TLL2: variants seen among roughly 807,000 people sequenced by gnomAD.
The protein encoded by TLL2 is tolloid like 2.
Under a neutral mutation model 123.0 loss-of-function variants are expected in TLL2, and 106 were observed. The ratio of observed to expected loss-of-function variants is 0.86; its 90% CI spans 0.74 to 1.01. The LOEUF (loss-of-function observed/expected upper bound fraction) is 1.01, where lower values mean the gene tolerates loss of function less well. Among genes scored for constraint, TLL2 ranks in the 50% least tolerant of loss-of-function variants. The probability of loss-of-function intolerance (pLI) is 0.00; values close to 1 mark genes in which losing one functional copy is unlikely to be tolerated. For synonymous variants in TLL2, 494 were observed against 516.8 expected (o/e 0.96, Z 0.60); for missense variants, 1,332 against 1,336.7 (o/e 1.00, Z 0.06).
At chr10:96,420,504 C>A (rs533427329) in intron 7 of TLL2, among the ~76,000 whole-genome samples, 1 of 152,220 alleles carries the variant, frequency 6.6e-6, no homozygotes, top group African/African-American at 2.4e-5. Context: ...CTGGCTGGAG[C>A]CTCATTGTCT....
intron 13 of TLL2, among the ~76,000 whole-genome samples, chr10:96,394,459 G>T (rs1213457060): frequency 6.6e-6 from 1 of 152,198 alleles, no homozygotes; most frequent in Non-Finnish European, 1.5e-5. Context: ...AGGAAAGCTC[G>T]GTCTGCCCAT....
chr10:96,384,874 C>A (rs1017436015), intron 15 of TLL2, 107 bp from the exon 16 acceptor site: 2 of 1,145,346 alleles, frequency 1.7e-6, no homozygotes, highest in East Asian at 2.8e-5. Context: ...CCGTGTGTGG[C>A]GGGGGAGGGT....
At chr10:96,390,507 C>A (rs1020191837) in intron 13 of TLL2, among the ~76,000 whole-genome samples, 1 of 152,236 alleles carries the variant, frequency 6.6e-6, no homozygotes, top group Non-Finnish European at 1.5e-5. Context: ...CATCTGGCAC[C>A]AGAATCAGGT....
In TLL2 at chr10:96,492,807, G is replaced by A. The variant is rs185304336; in HGVS notation, c.176-12348C>T. On this transcript the variant is annotated intron_variant, in intron 1 of 20. Transcript: ENST00000357947. ...TGGGAATGCGGCATTTCCCAACATA[G>A]TTGCTTCTGAGATCTCCTTTCACTG... 2.2e-3 allele frequency among the ~76,000 whole-genome samples: 339 copies of A among 152,222 alleles called. 4 individuals carry two copies. The highest frequency in any genetic ancestry group is 1.8e-3 in the Non-Finnish European group (123 of 68,014).
intron 1 of TLL2, among the ~76,000 whole-genome samples, chr10:96,512,014 A>G (rs550357192): frequency 6.6e-6 from 1 of 152,294 alleles, no homozygotes; most frequent in South Asian, 2.1e-4. Flanking sequence ...CAGGCATGCT[A>G]CCTGCTGAGG....
intron 18 of TLL2, 83 bp downstream of exon 18, chr10:96,376,609 G>T: frequency 6.8e-7 from 1 of 1,466,932 alleles, no homozygotes; most frequent in Non-Finnish European, 9.3e-7. Context: ...TTACAGAGCT[G>T]GGAAGTGGCA....
chr10:96,468,007 TG>T (rs1847145693), intron 2 of TLL2, among the ~76,000 whole-genome samples: 1 of 152,186 alleles, frequency 6.6e-6, no homozygotes, highest in Admixed American at 6.5e-5. Context: ...AATGGCCATG[TG>T]GGGGTGGTAC....
Position 96,513,639 on chromosome 10 carries a change from A to T in TLL2, c.47T>A (p.Leu16Gln). The T allele has an allele frequency of 6.3e-7, 1 of 1,593,706 alleles. No homozygotes were observed. The highest frequency in any genetic ancestry group is 8.5e-7 in the Non-Finnish European group (1 of 1,176,028). Reference sequence around the variant, plus strand: ...CCCGGCGCCGCGAGGCAGCGGCAGCAGCAGCAGCAGTGACACCAGGGCCCC... The same window carrying T: ...CCCGGCGCCGCGAGGCAGCGGCAGCTGCAGCAGCAGTGACACCAGGGCCCC... ...ALGALVSLLL[L>Q]LPLPRGAGGL... The change falls in exon 1 of 21, where the codon CTG (leucine) becomes CAG (glutamine). Residue 16 changes from leucine (L) to glutamine (Q), a missense_variant. By Grantham distance (113) the Leu-to-Gln change is moderately radical. Transcript: ENST00000357947.
Position 96,407,368 on chromosome 10 carries a change from C to T in TLL2, c.1165-2034G>A, listed in dbSNP as rs181831847. Among the ~76,000 whole-genome samples the T allele has an allele frequency of 3.0e-4, 46 of 152,226 alleles. 1 individual carries two copies. In the East Asian group the frequency reaches 8.5e-3, roughly 28 times the overall value. On this transcript the variant is annotated intron_variant, in intron 9 of 20. Coordinates refer to ENST00000357947, the MANE Select transcript of TLL2 (RefSeq NM_012465.4). ...CTCTGTCTTATAATGATTCTAGAGC[C>T]GGTGTCTTTAGATCTACCTAGATCT...
chr10:96,498,285 A>G (rs1847498280), intron 1 of TLL2, among the ~76,000 whole-genome samples: 1 of 152,262 alleles, frequency 6.6e-6, no homozygotes, highest in African/African-American at 2.4e-5. Context: ...AGAGCTATTC[A>G]GATGGCCTTG....
chr10:96,370,171 C>T lies in TLL2; in HGVS notation c.2807G>A (p.Arg936Gln). Residue 936 changes from arginine (R) to glutamine (Q), a missense_variant, in exon 20 of 21, where the codon CGG becomes CAG. Arg to Gln is a conservative substitution (Grantham distance 43). Transcript: ENST00000357947. ...EDGYGVELTF[R>Q]TFEVEEEADC... The stretch of plus-strand genomic sequence containing the variant: ...GGCCTCCTCCTCAACCTCAAAGGTC[C>T]GGAATGTCAGCTCCACGCCGTAGCC... The T allele has an allele frequency of 6.2e-7, 1 of 1,614,144 alleles. No individual in the cohort carries two copies. The highest frequency in any genetic ancestry group is 8.5e-7 in the Non-Finnish European group (1 of 1,179,998).
At chr10:96,415,729 G>GTCTCTTTCTCTCTC (rs1846549900) in intron 7 of TLL2, among the ~76,000 whole-genome samples, 1 of 8,580 alleles carries the variant, frequency 1.2e-4, no homozygotes, top group African/African-American at 5.1e-4. Flanking sequence ...CTCTCTCTCT[G>GTCTCTTTCTCTCTC]TCTCTCTCTG....
Position 96,368,091 on chromosome 10 carries a change from T to C in TLL2, c.3045A>G (p.Lys1015=), listed in dbSNP as rs757234254. The change falls in exon 21 of 21, where the codon AAA becomes AAG. Residue 1015 remains lysine, a synonymous_variant. Transcript: ENST00000357947. Reference sequence around the variant, plus strand: ...CTGTCTTTCAAGAACATCAGCACTATTTCTTCATGTGCAGGGCATCCTGGA... The same window carrying C: ...CTGTCTTTCAAGAACATCAGCACTACTTCTTCATGTGCAGGGCATCCTGGA... ...TKFQDALHMK[K] is the part of the protein sequence containing the mutation. 1.2e-6 allele frequency: 2 copies of C among 1,614,166 alleles called. No individual in the cohort carries two copies. The highest frequency in any genetic ancestry group is 1.7e-6 in the Non-Finnish European group (2 of 1,180,022).
rs764180616 is a variant in TLL2, at chr10:96,397,251, C to T, written c.1319G>A (p.Arg440Gln). The change falls in exon 11 of 21, where the codon CGG (arginine) becomes CAG (glutamine). Residue 440 changes from arginine to glutamine, a missense_variant. Transcript: ENST00000357947. ...GCTGCTGCGGAACTCCACCCAGAGC[C>T]GGCTGTCCGTGGAGACGAGGGGCTC... The part of the protein sequence containing the change: ...IPEPLVSTDS[R>Q]LWVEFRSSSN... 21 of 1,613,626 alleles carry T rather than the reference C, an allele frequency of 1.3e-5. No individual in the cohort carries two copies. Among genetic ancestry groups the T allele is most frequent in the African/African-American group, 2.7e-5 (2 of 74,906 alleles).
chr10:96,405,444 C>A, intron 9 of TLL2, 110 bp from the exon 10 acceptor site: 1 of 949,328 alleles, frequency 1.1e-6, no homozygotes, highest in South Asian at 1.4e-5. Context: ...GCAGAACTTT[C>A]AGACCACGGT....
In TLL2 at chr10:96,372,752, C is replaced by T. The variant is rs371707150; in HGVS notation, c.2662+844G>A. On this transcript the variant is annotated intron_variant, in intron 19 of 20. Transcript: ENST00000357947. Reference sequence around the variant, plus strand: ...AAATACCTGGGCCGGAGTGCAGTGGCGTGATCAGAGCTCACTGAAGCTTTG... The same window carrying T: ...AAATACCTGGGCCGGAGTGCAGTGGTGTGATCAGAGCTCACTGAAGCTTTG... Among the ~76,000 whole-genome samples the T allele has an allele frequency of 2.4e-4, 37 of 152,308 alleles. 1 individual carries two copies. The South Asian group carries it at 2.5e-3, about 10-fold the overall frequency.
chr10:96,408,726 T>C (rs1187768547), intron 9 of TLL2, among the ~76,000 whole-genome samples: 1 of 152,258 alleles, frequency 6.6e-6, no homozygotes, highest in Non-Finnish European at 1.5e-5. Context: ...CACATGTGCA[T>C]TCATGTATGT....
At chr10:96,407,456 T>C (rs1366836933) in intron 9 of TLL2, among the ~76,000 whole-genome samples, 5 of 152,182 alleles carry the variant, frequency 3.3e-5, no homozygotes, top group Non-Finnish European at 5.9e-5. Context: ...GCCCTCTAGT[T>C]TCCTCATCTG....
At chr10:96,492,578 C>T (rs949329363) in intron 1 of TLL2, among the ~76,000 whole-genome samples, 1 of 152,140 alleles carries the variant, frequency 6.6e-6, no homozygotes, top group South Asian at 2.1e-4. Flanking sequence ...GAGCCAAGAT[C>T]GCTCCAATGC....
Sources: gnomAD v4.1 joint callset for allele counts (sites outside exome capture counted in the v4.1 genomes callset) on GRCh38, gnomAD v4.1.1 for gene constraint, MANE v1.5 for transcripts, NCBI Gene and HGNC (gene_info 2026-07-23, HGNC 2026-07-21) for gene names.